SLC9A2: variants seen among roughly 807,000 people sequenced by gnomAD.
SLC9A2 encodes the protein sodium/hydrogen exchanger 2.
SLC9A2 carries 42 observed loss-of-function variants against 71.7 expected under a neutral mutation model. The ratio of observed to expected loss-of-function variants is 0.59; its 90% CI spans 0.46 to 0.76. SLC9A2 has a LOEUF of 0.76. SLC9A2 is among the 30% of genes least tolerant of loss of function. The pLI is 0.00. For missense variants in SLC9A2, 829 were observed against 1,017.4 expected, an observed-to-expected ratio of 0.81 and a Z score of 2.52; for synonymous variants, 396 against 392.5, an observed-to-expected ratio of 1.01 and a Z score of -0.10.
At chr2:102,701,262 A>T (rs1214680055) in intron 8 of SLC9A2, 31 bp downstream of exon 8, 6 of 1,480,888 alleles carry the variant, frequency 4.1e-6, no homozygotes, top group Non-Finnish European at 5.5e-6. Context: ...AAAAGTTAGT[A>T]TTGTTAAATA....
At chr2:102,669,520 TCCATAGCCCCTTAAA>T (rs1677204652) in intron 3 of SLC9A2, among the ~76,000 whole-genome samples, 1 of 152,180 alleles carries the variant, frequency 6.6e-6, no homozygotes. Flanking sequence ...AGGGAAAGTT[TCCATAGCCCCTTAAA>T]CCAGAAACTT....
At chr2:102,645,956 A>C (rs7594983) in intron 1 of SLC9A2, among the ~76,000 whole-genome samples, 82,926 of 151,884 alleles carry the variant, frequency 0.55, 24,523 homozygotes, top group African/African-American at 0.77. Context: ...CAGAGAACAC[A>C]ACTAAGATAC....
At chr2:102,696,061 ACAG>A (rs1475389074) in intron 7 of SLC9A2, among the ~76,000 whole-genome samples, 1 of 151,838 alleles carries the variant, frequency 6.6e-6, no homozygotes, top group African/African-American at 2.4e-5. Context: ...TTCAATTCTG[ACAG>A]CAGAGCTAGG....
In SLC9A2 at chr2:102,655,210, C is replaced by CTTT. The variant is rs58932567; in HGVS notation, c.290-2340_290-2338dup. Among the ~76,000 whole-genome samples the CTTT allele has an allele frequency of 9.8e-3, 1,349 of 138,256 alleles. 35 individuals carry two copies. The highest frequency in any genetic ancestry group is 0.03 in the African/African-American group (1,123 of 37,372). The allele number at this position is 138,256 out of a possible 152,430, so 90.7% of individuals were successfully genotyped here. A position where few individuals can be genotyped will look rare whatever the true frequency, so the allele number is the denominator to read the frequency against. On this transcript the variant is annotated intron_variant, in intron 1 of 11. Transcript: ENST00000233969. ...TGTTTTCTTTCTTTATACCCTTATT[C>CTTT]TTTTTTTTTTTTTTTTGAGTTCAAC...
In SLC9A2 at chr2:102,706,907, C is replaced by T. The variant is rs565402438; in HGVS notation, c.2068+971C>T. On this transcript the variant is annotated intron_variant, in intron 11 of 11. Coordinates refer to ENST00000233969, the MANE Select transcript of SLC9A2 (RefSeq NM_003048.6). Reference sequence around the variant, plus strand: ...GTGATGGTTATCTTTATGTAGACACCGAAGCCATTGTCTGTGAACCCCAGA... The same window carrying T: ...GTGATGGTTATCTTTATGTAGACACTGAAGCCATTGTCTGTGAACCCCAGA... Among the ~76,000 whole-genome samples, 21 of 152,150 alleles carry T rather than the reference C, an allele frequency of 1.4e-4. 1 individual carries two copies. The South Asian group carries it at 1.9e-3, about 14-fold the overall frequency.
intron 9 of SLC9A2, among the ~76,000 whole-genome samples, chr2:102,703,831 T>C (rs1677921646): frequency 6.6e-6 from 1 of 152,148 alleles, no homozygotes; most frequent in African/African-American, 2.4e-5. Flanking sequence ...GTTTAGAAAT[T>C]TTACTTTTCA....
intron 3 of SLC9A2, among the ~76,000 whole-genome samples, chr2:102,667,512 T>C (rs1677164204): frequency 6.6e-6 from 1 of 152,176 alleles, no homozygotes; most frequent in Admixed American, 6.5e-5. Context: ...TTGGATGGGA[T>C]GGGAATCCTG....
intron 3 of SLC9A2, among the ~76,000 whole-genome samples, chr2:102,672,518 C>T (rs762702336): frequency 4.6e-5 from 7 of 152,120 alleles, no homozygotes; most frequent in African/African-American, 9.7e-5. Context: ...GATAATTGTG[C>T]TCTTTATAAA....
chr2:102,633,304 AG>A (rs1249654837), intron 1 of SLC9A2, among the ~76,000 whole-genome samples: 1 of 152,138 alleles, frequency 6.6e-6, no homozygotes, highest in Non-Finnish European at 1.5e-5. Context: ...GGCCACAGCT[AG>A]TTCTTCATCA....
chr2:102,622,884 G>A (rs372821039), intron 1 of SLC9A2, among the ~76,000 whole-genome samples: 53 of 152,204 alleles, frequency 3.5e-4, no homozygotes, highest in East Asian at 1.5e-3. Context: ...CTTTACTTCC[G>A]CTTTGGCCTC....
intron 1 of SLC9A2, among the ~76,000 whole-genome samples, chr2:102,638,176 C>T (rs1411340625): frequency 9.3e-6 from 1 of 107,962 alleles, no homozygotes; most frequent in Non-Finnish European, 1.8e-5. Context: ...TGCAAGCTTG[C>T]AAACTCTGCT....
chr2:102,641,734 G>A (rs1341077614), intron 1 of SLC9A2, among the ~76,000 whole-genome samples: 5 of 152,118 alleles, frequency 3.3e-5, no homozygotes, highest in African/African-American at 1.2e-4. Flanking sequence ...CTGGGATATT[G>A]CTGTGTCCTT....
chr2:102,666,445 C>G (rs560331982), intron 3 of SLC9A2, among the ~76,000 whole-genome samples: 1 of 152,162 alleles, frequency 6.6e-6, no homozygotes, highest in South Asian at 2.1e-4. Flanking sequence ...GATCCACCCC[C>G]CTTGGCCTCC....
intron 5 of SLC9A2, among the ~76,000 whole-genome samples, 169 bp downstream of exon 5, chr2:102,684,505 C>G (rs1677511874): frequency 6.6e-6 from 1 of 152,160 alleles, no homozygotes; most frequent in Non-Finnish European, 1.5e-5. Flanking sequence ...TGAGGGGCCT[C>G]AGAGAGTCCA....
At chr2:102,692,098 C>T (rs561967241) in intron 5 of SLC9A2, among the ~76,000 whole-genome samples, 67 of 152,336 alleles carry the variant, frequency 4.4e-4, no homozygotes, top group Middle Eastern at 3.4e-3. Context: ...CACATGTTTA[C>T]ACCCGTTTCA....
chr2:102,659,428 G>A (rs1677011219), intron 2 of SLC9A2, among the ~76,000 whole-genome samples: 2 of 151,936 alleles, frequency 1.3e-5, no homozygotes, highest in South Asian at 2.1e-4. Flanking sequence ...GCAACAGAGT[G>A]AGACTCCATC....
chr2:102,656,713 AGAT>A (rs1676950682), intron 1 of SLC9A2, among the ~76,000 whole-genome samples: 1 of 152,224 alleles, frequency 6.6e-6, no homozygotes, highest in African/African-American at 2.4e-5. Flanking sequence ...TGAATGCCAC[AGAT>A]GAGAGTAGTA....
rs748510869 is a variant in SLC9A2, at chr2:102,619,948, G to A, written c.100G>A (p.Glu34Lys). 6.2e-7 allele frequency: 1 copy of A among 1,611,420 alleles called. No individual in the cohort carries two copies. Among genetic ancestry groups the A allele is most frequent in the South Asian group, 1.1e-5 (1 of 90,764 alleles). ...QVAGPVGALA[E>K]TLLNAPRAMG... ...GGCGGGGCCCGTGGGCGCCCTGGCG[G>A]AGACCTTGCTGAACGCGCCGAGGGC... The change falls in exon 1 of 12, where the codon GAG becomes AAG. Residue 34 changes from glutamate to lysine, a missense_variant. By Grantham distance (56) the Glu-to-Lys change is moderately conservative. Transcript: ENST00000233969. This position sits in a 1 kb window ranked among gnomAD's most constrained non-coding sequence, Gnocchi z 4.3.
chr2:102,683,048 G>A (rs576918325), intron 3 of SLC9A2, among the ~76,000 whole-genome samples: 2 of 152,156 alleles, frequency 1.3e-5, no homozygotes, highest in African/African-American at 2.4e-5. Flanking sequence ...GGGCAGAGCC[G>A]GGTAGTTCAG....
Sources: gnomAD v4.1 joint callset for allele counts (sites outside exome capture counted in the v4.1 genomes callset) on GRCh38, gnomAD v4.1.1 for gene constraint, Gnocchi (gnomAD v3.1) non-coding constraint, MANE v1.5 for transcripts, NCBI Gene and HGNC (gene_info 2026-07-23, HGNC 2026-07-21) for gene names.